The following MAPK7 variants were observed in gnomAD, a reference collection of about 807,000 sequenced individuals.
MAPK7 encodes the protein BMK-1.
A neutral mutation model predicts 56.9 loss-of-function variants in MAPK7; 30 were observed. The observed-to-expected ratio is 0.53, with a 90% CI of 0.39 to 0.72. MAPK7 has a LOEUF of 0.72. Among genes scored for constraint, MAPK7 ranks in the 30% least tolerant of loss-of-function variants. The pLI is 0.00. For synonymous variants in MAPK7, 516 were observed against 449.3 expected (o/e 1.15, Z -1.88); for missense variants, 952 against 1,110.8 (o/e 0.86, Z 2.03).
In MAPK7 at chr17:19,380,845, T is replaced by C. The variant is rs773210419; in HGVS notation, c.636T>C (p.Ala212=). The C allele has an allele frequency of 6.2e-7, 1 of 1,613,862 alleles. No individual in the cohort carries two copies. The highest frequency in any genetic ancestry group is 8.5e-7 in the Non-Finnish European group (1 of 1,179,844). Residue 212 remains alanine, a synonymous_variant, in exon 4 of 7, where the codon GCT becomes GCC. Coordinates refer to ENST00000395604, the MANE Select transcript of MAPK7 (RefSeq NM_002749.4). ...CTCGTGGCCTGTGCACCTCGCCCGC[T>C]GAACATCAGTACTTCATGACTGAGT... ...GMARGLCTSP[A]EHQYFMTEYV... is the part of the protein sequence containing the mutation.
At chr17:19,379,714 A>C in intron 2 of MAPK7, 68 bp from the exon 3 acceptor site, 2 of 1,469,282 alleles carry the variant, frequency 1.4e-6, no homozygotes, top group South Asian at 2.4e-5. Context: ...AGGTGTTGAT[A>C]GGGGCTGAGT....
Position 19,382,129 on chromosome 17 carries a change from C to T in MAPK7, c.1826C>T (p.Pro609Leu), listed in dbSNP as rs776225670. ...PVQPTSPPPG[P>L]VAQPTGPQPQ... ...CAACCTACCAGTCCTCCTCCTGGCCCTGTAGCCCAGCCCACTGGCCCGCAA... is the reference window on the plus strand; with the variant it reads ...CAACCTACCAGTCCTCCTCCTGGCCTTGTAGCCCAGCCCACTGGCCCGCAA... The change falls in exon 5 of 7, where the codon CCT becomes CTT. Residue 609 changes from proline to leucine, a missense_variant. By Grantham distance (98) the Pro-to-Leu change is moderately conservative (BLOSUM62 -3). Around this residue, in one of 5 missense-constraint regions of MAPK7, gnomAD observed 234 missense variants for 210.4 expected, o/e 1.11. Coordinates refer to ENST00000395604, the MANE Select transcript of MAPK7 (RefSeq NM_002749.4). 6.2e-6 allele frequency: 10 copies of T among 1,612,458 alleles called. No individual in the cohort carries two copies. Among genetic ancestry groups the T allele is most frequent in the Admixed American group, 1.7e-5 (1 of 59,970 alleles).
In MAPK7 at chr17:19,381,437, A is replaced by C. The variant is rs772758502; in HGVS notation, c.1228A>C (p.Ser410Arg). 10 of 1,614,024 alleles carry C rather than the reference A, an allele frequency of 6.2e-6. No individual in the cohort carries two copies. In the African/African-American group the frequency reaches 1.3e-4, roughly 22 times the overall value. ...RFQPSLQPVASEPGCPDVEMP... is the reference protein window; with the variant it reads ...RFQPSLQPVAREPGCPDVEMP... ...CCAGCCTTCTCTACAGCCTGTGGCT[A>C]GTGAGCCTGGCTGTCCAGATGTTGA... is the stretch of plus-strand genomic sequence containing the variant. The change falls in exon 4 of 7, where the codon AGT (serine) becomes CGT (arginine). Residue 410 changes from serine to arginine, a missense_variant. Ser to Arg is a moderately radical substitution (Grantham distance 110). This residue lies in a region of MAPK7 where 429 missense variants were observed against 533.0 expected (regional missense o/e 0.80). Transcript: ENST00000395604. The surrounding 1 kb of genome is among the most constrained non-coding windows in gnomAD (Gnocchi z 4.6).
intron 3 of MAPK7, chr17:19,380,301 G>A (rs1912541334): frequency 1.9e-6 from 1 of 517,896 alleles, no homozygotes; most frequent in Non-Finnish European, 3.2e-6. Context: ...TCTTCAAGCT[G>A]CCACTACCAA....
chr17:19,382,165 C>T lies in MAPK7; in HGVS notation c.1862C>T (p.Ala621Val), dbSNP rs144440096. ...AQPTGPQPQS[A>V]GSTSGPVPQP... ...CCCACTGGCCCGCAACCACAATCTG[C>T]GGGCTCTACCTCTGGCCCTGTACCC... The change falls in exon 5 of 7, where the codon GCG (alanine) becomes GTG (valine). Residue 621 changes from alanine (A) to valine (V), a missense_variant. Around this residue, in one of 5 missense-constraint regions of MAPK7, gnomAD observed 234 missense variants for 210.4 expected, o/e 1.11. Transcript: ENST00000395604. 4.5e-5 allele frequency: 72 copies of T among 1,612,330 alleles called. No individual in the cohort carries two copies. The highest frequency in any genetic ancestry group is 2.5e-4 in the African/African-American group (19 of 74,872).
Position 19,382,058 on chromosome 17 carries a change from T to G in MAPK7, c.1755T>G (p.Ser585=), listed in dbSNP as rs1252297277. ...MARPAAPALT[S]VPAPAPAPTP... is the part of the protein sequence containing the mutation. ...GGCCCGCAGCCCCAGCCCTCACCTC[T>G]GTGCCGGCCCCTGCCCCAGCGCCAA... Residue 585 remains serine (S), a synonymous_variant, in exon 5 of 7, where the codon TCT becomes TCG. Transcript: ENST00000395604. 5 of 1,584,844 alleles carry G rather than the reference T, an allele frequency of 3.2e-6. No individual in the cohort carries two copies. The highest frequency in any genetic ancestry group is 4.3e-6 in the Non-Finnish European group (5 of 1,166,186).
chr17:19,382,295 G>C lies in MAPK7; in HGVS notation c.1992G>C (p.Leu664=), dbSNP rs1441510275. ...AGATTGCCACCTCCACCAGCCTCCT[G>C]GCTGCCCAGTCACTTGTGCCACCCC... ...PPQIATSTSL[L]AAQSLVPPPG... Residue 664 remains leucine, a synonymous_variant, in exon 5 of 7, where the codon CTG becomes CTC. Coordinates refer to ENST00000395604, the MANE Select transcript of MAPK7 (RefSeq NM_002749.4). 1 of 1,611,526 alleles carries C rather than the reference G, an allele frequency of 6.2e-7. No homozygotes were observed. Among genetic ancestry groups the C allele is most frequent in the Admixed American group, 1.7e-5 (1 of 59,762 alleles).
chr17:19,379,791 T>A lies in MAPK7; in HGVS notation c.242T>A (p.Val81Glu), dbSNP rs1434928369. The A allele has an allele frequency of 6.2e-7, 1 of 1,613,942 alleles. No homozygotes were observed. Among genetic ancestry groups the A allele is most frequent in the African/African-American group, 1.3e-5 (1 of 74,936 alleles). The stretch of plus-strand genomic sequence containing the variant: ...TTTCCCTGCTCCTCAGGCCAGCAGG[T>A]GGCCATCAAGAAGATCCCTAATGCT... ...SARRRLTGQQ[V>E]AIKKIPNAFD... is the part of the protein sequence containing the mutation. The change falls in exon 3 of 7, where the codon GTG becomes GAG. Residue 81 changes from valine (V) to glutamate (E), a missense_variant. Val to Glu is a moderately radical substitution (Grantham distance 121, BLOSUM62 -2). Transcript: ENST00000395604.
Position 19,383,268 on chromosome 17 carries a change from A to C in MAPK7, c.*37A>C, listed in dbSNP as rs1160778686. ...TGTGCCTTGCTGCCACAGTAGACCTAGTTCCAGGATCCATGGGAGCATTCT... is the reference window on the plus strand; with the variant it reads ...TGTGCCTTGCTGCCACAGTAGACCTCGTTCCAGGATCCATGGGAGCATTCT... On this transcript the variant is annotated 3_prime_UTR_variant, in exon 7 of 7. Transcript: ENST00000395604. 2 of 1,608,752 alleles carry C rather than the reference A, an allele frequency of 1.2e-6. No homozygotes were observed. Among genetic ancestry groups the C allele is most frequent in the Admixed American group, 1.7e-5 (1 of 59,810 alleles).
intron 5 of MAPK7, 144 bp downstream of exon 5, chr17:19,382,610 A>G (rs1598118827): frequency 2.0e-6 from 3 of 1,473,968 alleles, no homozygotes; most frequent in Non-Finnish European, 2.7e-6. Flanking sequence ...GAAGGAGCAT[A>G]ATGGCAATGA....
At position 19,381,157 on chromosome 17, in the gene MAPK7, C is replaced by G; in HGVS notation, c.948C>G (p.Ala316=). 1 of 1,614,002 alleles carries G rather than the reference C, an allele frequency of 6.2e-7. No individual in the cohort carries two copies. Among genetic ancestry groups the G allele is most frequent in the Non-Finnish European group, 8.5e-7 (1 of 1,179,992 alleles). ...PVPWETVYPG[A]DRQALSLLGR... is the part of the protein sequence containing the mutation. ...CCTGGGAGACAGTGTACCCAGGTGC[C>G]GACCGCCAGGCCCTATCACTGCTGG... The change falls in exon 4 of 7, where the codon GCC becomes GCG. Residue 316 remains alanine, a synonymous_variant. Transcript: ENST00000395604. The surrounding 1 kb of genome is among the most constrained non-coding windows in gnomAD (Gnocchi z 4.6).
chr17:19,380,333 G>A (rs1912544156), intron 3 of MAPK7: 2 of 685,312 alleles, frequency 2.9e-6, no homozygotes, highest in Non-Finnish European at 4.4e-6. Flanking sequence ...AGCCCCAAAA[G>A]GAAACCTATT....
Position 19,381,618 on chromosome 17 carries a change from C to T in MAPK7, c.1409C>T (p.Ala470Val), listed in dbSNP as rs1319523470. 1 of 1,613,448 alleles carries T rather than the reference C, an allele frequency of 6.2e-7. No homozygotes were observed. The highest frequency in any genetic ancestry group is 1.3e-5 in the African/African-American group (1 of 74,942). ...CCTGCCCCACCAAAGAAAGATGGTGCCATCTCAGACAATACTAAGGCTGCC... is the reference window on the plus strand; with the variant it reads ...CCTGCCCCACCAAAGAAAGATGGTGTCATCTCAGACAATACTAAGGCTGCC... Reference protein sequence around the residue: ...SEPAPPKKDGAISDNTKAALK... With the variant: ...SEPAPPKKDGVISDNTKAALK... Residue 470 changes from alanine (A) to valine (V), a missense_variant, in exon 4 of 7, where the codon GCC becomes GTC. Coordinates refer to ENST00000395604, the MANE Select transcript of MAPK7 (RefSeq NM_002749.4). This position sits in a 1 kb window ranked among gnomAD's most constrained non-coding sequence, Gnocchi z 4.6.
intron 6 of MAPK7, 53 bp downstream of exon 6, chr17:19,382,999 G>A: frequency 6.2e-7 from 1 of 1,613,078 alleles, no homozygotes; most frequent in South Asian, 1.1e-5. Context: ...GAGGTTCCTG[G>A]TGCAGGAGAC....
Position 19,381,540 on chromosome 17 carries a change from C to G in MAPK7, c.1331C>G (p.Pro444Arg). ...CCAGCCCCGCCACCATGCCCCGGCCCTGCACCTGACACCATTGATCTGACC... is the reference window on the plus strand; with the variant it reads ...CCAGCCCCGCCACCATGCCCCGGCCGTGCACCTGACACCATTGATCTGACC... The part of the protein sequence containing the change: ...PPPAPPPCPG[P>R]APDTIDLTLQ... Residue 444 changes from proline to arginine, a missense_variant, in exon 4 of 7, where the codon CCT becomes CGT. Physicochemically the swap from Pro to Arg is moderately radical, Grantham distance 103. Around this residue, in one of 5 missense-constraint regions of MAPK7, gnomAD observed 429 missense variants for 533.0 expected, o/e 0.80. Coordinates refer to ENST00000395604, the MANE Select transcript of MAPK7 (RefSeq NM_002749.4). The surrounding 1 kb of genome is among the most constrained non-coding windows in gnomAD (Gnocchi z 4.6). 6.2e-7 allele frequency: 1 copy of G among 1,613,790 alleles called. No homozygotes were observed. Among genetic ancestry groups the G allele is most frequent in the Non-Finnish European group, 8.5e-7 (1 of 1,180,018 alleles).
Position 19,382,382 on chromosome 17 carries a change from C to A in MAPK7, c.2079C>A (p.Pro693=). 3 of 1,613,528 alleles carry A rather than the reference C, an allele frequency of 1.9e-6. No homozygotes were observed. The highest frequency in any genetic ancestry group is 2.5e-6 in the Non-Finnish European group (3 of 1,179,992). Residue 693 remains proline, a synonymous_variant, in exon 5 of 7, where the codon CCC becomes CCA. Transcript: ENST00000395604. ...CTTACTTCCCACCTGGCCTGCCGCC[C>A]CCAGACGCCGGGGGAGCCCCTCAGT... ...VLPYFPPGLP[P]PDAGGAPQSS...
In MAPK7 at chr17:19,378,937, G is replaced by C. The variant is rs752946139; in HGVS notation, c.37G>C (p.Gly13Arg). 6.3e-7 allele frequency: 1 copy of C among 1,591,470 alleles called. No homozygotes were observed. The highest frequency in any genetic ancestry group is 1.3e-5 in the African/African-American group (1 of 74,526). Residue 13 changes from glycine (G) to arginine (R), a missense_variant, in exon 2 of 7, where the codon GGC becomes CGC. Around this residue, in one of 5 missense-constraint regions of MAPK7, gnomAD observed 213 missense variants for 243.2 expected, o/e 0.88. Coordinates refer to ENST00000395604, the MANE Select transcript of MAPK7 (RefSeq NM_002749.4). This position sits in a 1 kb window ranked among gnomAD's most constrained non-coding sequence, Gnocchi z 5.4. ...EPLKEEDGED[G>R]SAEPPGPVKA... ...TCTGAAGGAGGAAGACGGCGAGGAC[G>C]GCTCTGCGGAGCCCCCCGGGCCCGT...
In MAPK7 at chr17:19,378,718, G is replaced by C; in HGVS notation, c.-6+88G>C. 2 of 1,335,518 alleles carry C rather than the reference G, an allele frequency of 1.5e-6. No homozygotes were observed. Among genetic ancestry groups the C allele is most frequent in the South Asian group, 1.8e-5 (1 of 55,404 alleles). The allele number at this position is 1,335,518 out of a possible 1,614,324, so 82.7% of individuals were successfully genotyped here. A position where few individuals can be genotyped will look rare whatever the true frequency, so the allele number is the denominator to read the frequency against. ...CGCCTACCCCTCCCCCGACCCTGGC[G>C]GGCCCCCGGCTCTGGGCCCGGACCC... is the stretch of plus-strand genomic sequence containing the variant. On this transcript the variant is annotated intron_variant, in intron 1 of 6. Coordinates refer to ENST00000395604, the MANE Select transcript of MAPK7 (RefSeq NM_002749.4). The surrounding 1 kb of genome is among the most constrained non-coding windows in gnomAD (Gnocchi z 5.4).
rs759390175 is a variant in MAPK7, at chr17:19,381,375, A to G, written c.1166A>G (p.His389Arg). Residue 389 changes from histidine to arginine, a missense_variant, in exon 4 of 7, where the codon CAT becomes CGT. By Grantham distance (29) the His-to-Arg change is conservative. This residue lies in a region of MAPK7 where 429 missense variants were observed against 533.0 expected (regional missense o/e 0.80). Coordinates refer to ENST00000395604, the MANE Select transcript of MAPK7 (RefSeq NM_002749.4). The surrounding 1 kb of genome is among the most constrained non-coding windows in gnomAD (Gnocchi z 4.6). ...EAIVAEIEDF[H>R]ARREGIRQQI... ...ATTGTGGCTGAAATTGAGGACTTCCATGCAAGGCGTGAGGGCATCCGCCAA... is the reference window on the plus strand; with the variant it reads ...ATTGTGGCTGAAATTGAGGACTTCCGTGCAAGGCGTGAGGGCATCCGCCAA... 7 of 1,614,154 alleles carry G rather than the reference A, an allele frequency of 4.3e-6. No homozygotes were observed. Among genetic ancestry groups the G allele is most frequent in the Non-Finnish European group, 5.9e-6 (7 of 1,180,040 alleles).
Sources: gnomAD v4.1 joint callset for allele counts on GRCh38, gnomAD v4.1.1 for gene constraint, gnomAD v4.1.1 regional missense constraint, Gnocchi (gnomAD v3.1) non-coding constraint, MANE v1.5 for transcripts, NCBI Gene and HGNC (gene_info 2026-07-23, HGNC 2026-07-21) for gene names.